GUCY1A2: variants seen among roughly 807,000 people sequenced by gnomAD.
GUCY1A2 encodes guanylate cyclase 1 soluble subunit alpha 2, also known as guanylate cyclase soluble subunit alpha-2.
Under a neutral mutation model 63.5 loss-of-function variants are expected in GUCY1A2, and 27 were observed. That is an observed-to-expected ratio of 0.43 (90% confidence interval 0.31 to 0.59). The LOEUF is 0.59. Among genes scored for constraint, GUCY1A2 ranks in the 20% least tolerant of loss-of-function variants. The pLI is 0.11. For synonymous variants in GUCY1A2, 364 were observed against 343.5 expected (o/e 1.06, Z -0.66); for missense variants, 768 against 913.3 (o/e 0.84, Z 2.05).
intron 4 of GUCY1A2, among the ~76,000 whole-genome samples, chr11:106,862,512 C>A (rs918494803): frequency 2.6e-5 from 4 of 151,948 alleles, no homozygotes; most frequent in African/African-American, 9.7e-5. Context: ...AAAAACCAGC[C>A]TTTTCTATTG....
chr11:106,699,250 G>A (rs868057240), intron 7 of GUCY1A2, among the ~76,000 whole-genome samples: 1 of 152,254 alleles, frequency 6.6e-6, no homozygotes. Context: ...CAGGCCACTA[G>A]AAATGGTGCC....
intron 4 of GUCY1A2, among the ~76,000 whole-genome samples, chr11:106,820,073 T>G (rs1858881152): frequency 6.6e-6 from 1 of 152,156 alleles, no homozygotes; most frequent in African/African-American, 2.4e-5. Flanking sequence ...GAAGTTTGTT[T>G]TCCTTGCTTA....
intron 5 of GUCY1A2, among the ~76,000 whole-genome samples, chr11:106,787,392 A>G (rs1405060983): frequency 1.6e-5 from 2 of 124,938 alleles, no homozygotes; most frequent in African/African-American, 3.1e-5. Flanking sequence ...ACAAGTGAGA[A>G]CGTGGGAAAT....
chr11:106,723,628 G>A (rs1863354943), intron 6 of GUCY1A2, among the ~76,000 whole-genome samples: 1 of 152,170 alleles, frequency 6.6e-6, no homozygotes, highest in African/African-American at 2.4e-5. Context: ...TTCGAGACCA[G>A]CCTGGCCAAC....
chr11:106,877,225 G>A (rs1439296935), intron 4 of GUCY1A2, among the ~76,000 whole-genome samples: 2 of 151,996 alleles, frequency 1.3e-5, no homozygotes, highest in African/African-American at 4.8e-5. Flanking sequence ...TTGGGGCTGC[G>A]ACTACAGGGT....
intron 3 of GUCY1A2, among the ~76,000 whole-genome samples, chr11:106,975,583 C>A (rs1462838185): frequency 6.6e-6 from 1 of 152,100 alleles, no homozygotes; most frequent in African/African-American, 2.4e-5. Context: ...ATTATCACAG[C>A]AATTGGCAAA....
intron 5 of GUCY1A2, among the ~76,000 whole-genome samples, chr11:106,796,326 T>G (rs1232039571): frequency 6.6e-6 from 1 of 152,196 alleles, no homozygotes; most frequent in Non-Finnish European, 1.5e-5. Context: ...AATATTGTTA[T>G]GTGTGAATTT....
At chr11:106,780,375 C>T (rs138435791) in intron 5 of GUCY1A2, among the ~76,000 whole-genome samples, 96 of 152,186 alleles carry the variant, frequency 6.3e-4, no homozygotes, top group African/African-American at 2.1e-3. Flanking sequence ...GATACAGTAA[C>T]AATTTAACCT....
intron 3 of GUCY1A2, among the ~76,000 whole-genome samples, chr11:106,962,348 G>A (rs565021683): frequency 1.6e-4 from 25 of 151,566 alleles, no homozygotes; most frequent in Admixed American, 1.3e-3. Flanking sequence ...TCAGGAGATC[G>A]AGACCATCCT....
intron 1 of GUCY1A2, among the ~76,000 whole-genome samples, chr11:106,997,407 A>G (rs1307168451): frequency 6.6e-6 from 1 of 152,180 alleles, no homozygotes; most frequent in Non-Finnish European, 1.5e-5. Context: ...TACAAACATG[A>G]CAGCGGACAG....
Position 106,939,631 on chromosome 11 carries a change from A to G in GUCY1A2, c.1035T>C (p.Gly345=), listed in dbSNP as rs777712201. 6 of 1,613,784 alleles carry G rather than the reference A, an allele frequency of 3.7e-6. No homozygotes were observed. The highest frequency in any genetic ancestry group is 5.1e-6 in the Non-Finnish European group (6 of 1,179,878). The part of the protein sequence containing the change: ...PSMSVLQLGE[G]LRKQLRCDTH... ...TGTCACATCGAAGCTGCTTCCTTAG[A>G]CCTTCCCCCAACTGAAGGACTGACA... The change falls in exon 4 of 8, where the codon GGT becomes GGC. Residue 345 remains glycine, a synonymous_variant. Transcript: ENST00000526355.
At chr11:106,794,411 A>T (rs779608297) in intron 5 of GUCY1A2, among the ~76,000 whole-genome samples, 12 of 152,004 alleles carry the variant, frequency 7.9e-5, no homozygotes, top group Non-Finnish European at 1.3e-4. Context: ...CATTCTGGGG[A>T]TCTACCATAT....
intron 1 of GUCY1A2, among the ~76,000 whole-genome samples, chr11:107,014,092 T>C (rs1247108815): frequency 7.3e-6 from 1 of 136,714 alleles, no homozygotes; most frequent in Admixed American, 7.3e-5. Context: ...TTTTTTTTTT[T>C]TTTTTTTTTT....
chr11:106,967,259 C>T (rs1282520771), intron 3 of GUCY1A2, among the ~76,000 whole-genome samples: 1 of 152,126 alleles, frequency 6.6e-6, no homozygotes, highest in Non-Finnish European at 1.5e-5. Flanking sequence ...TATAAACTTC[C>T]CTTTCCTATT....
At chr11:106,809,868 AT>A in intron 5 of GUCY1A2, 124 bp downstream of exon 5, 1 of 628,142 alleles carries the variant, frequency 1.6e-6, no homozygotes, top group Admixed American at 3.0e-5. Flanking sequence ...TGTATTATCT[AT>A]AAAATTTCTA....
chr11:106,773,385 T>C (rs1344339295), intron 6 of GUCY1A2, among the ~76,000 whole-genome samples: 1 of 152,194 alleles, frequency 6.6e-6, no homozygotes, highest in East Asian at 1.9e-4. Context: ...CCCAACTATA[T>C]GGTATACCAA....
chr11:106,885,200 A>G (rs1336631393), intron 4 of GUCY1A2, among the ~76,000 whole-genome samples: 1 of 152,192 alleles, frequency 6.6e-6, no homozygotes, highest in African/African-American at 2.4e-5. Context: ...TTACAAAGCA[A>G]TATTGCAGAA....
intron 1 of GUCY1A2, among the ~76,000 whole-genome samples, chr11:106,986,621 A>C (rs1330407069): frequency 2.0e-5 from 3 of 152,226 alleles, no homozygotes; most frequent in African/African-American, 7.2e-5. Context: ...GAGTTAAAAG[A>C]GTCAACTTTA....
chr11:106,939,336 ATCT>A, intron 4 of GUCY1A2, 121 bp downstream of exon 4: 1 of 635,258 alleles, frequency 1.6e-6, no homozygotes, highest in Non-Finnish European at 2.8e-6. Flanking sequence ...GGGACCAGTA[ATCT>A]TCTAAATGGC....
Sources: allele counts gnomAD v4.1 joint callset (sites outside exome capture counted in the v4.1 genomes callset), GRCh38; gene constraint gnomAD v4.1.1; transcripts MANE v1.5; gene names NCBI Gene and HGNC (gene_info 2026-07-23, HGNC 2026-07-21).